PTPRD: variants seen among roughly 807,000 people sequenced by gnomAD.
PTPRD encodes protein tyrosine phosphatase receptor type D.
PTPRD carries 34 observed loss-of-function variants against 214.5 expected under a neutral mutation model. The observed-to-expected ratio is 0.16, with a 90% confidence interval of 0.12 to 0.21. PTPRD has a LOEUF of 0.21. PTPRD is among the 10% of genes least tolerant of loss of function. The pLI is 1.00. For synonymous variants in PTPRD, 1,128 were observed against 845.7 expected (o/e 1.33, Z -5.79); for missense variants, 2,545 against 2,398.7 (o/e 1.06, Z -1.27).
chr9:9,976,689 C>CAAAAAAA (rs869096131), intron 4 of PTPRD, among the ~76,000 whole-genome samples: 14,113 of 62,862 alleles, frequency 0.22, 1,627 homozygotes, highest in Middle Eastern at 0.26. Flanking sequence ...ACCCTGCCAC[C>CAAAAAAA]AAAAAAAAAA....
chr9:8,624,939 T>C (rs1301048043), intron 14 of PTPRD, among the ~76,000 whole-genome samples: 1 of 151,836 alleles, frequency 6.6e-6, no homozygotes, highest in Non-Finnish European at 1.5e-5. Context: ...AGACTCATTC[T>C]TACCCAAATG....
chr9:8,409,004 A>C (rs1350125545), intron 35 of PTPRD, among the ~76,000 whole-genome samples: 1 of 152,202 alleles, frequency 6.6e-6, no homozygotes, highest in Non-Finnish European at 1.5e-5. Context: ...ATCAACTAGA[A>C]GTTTATCTCA....
chr9:9,804,103 TG>T (rs1308675366), intron 5 of PTPRD, among the ~76,000 whole-genome samples: 11 of 152,156 alleles, frequency 7.2e-5, no homozygotes, highest in South Asian at 6.2e-4. Flanking sequence ...TGGCTGTTTT[TG>T]ATCAGCTTCT....
intron 3 of PTPRD, among the ~76,000 whole-genome samples, chr9:10,243,730 C>A (rs1281631167): frequency 6.6e-6 from 1 of 151,872 alleles, no homozygotes; most frequent in Non-Finnish European, 1.5e-5. Flanking sequence ...CTTGCTCCAA[C>A]CTCTAATTAC....
chr9:10,448,214 T>A (rs2098812913), intron 2 of PTPRD, among the ~76,000 whole-genome samples: 1 of 152,040 alleles, frequency 6.6e-6, no homozygotes, highest in Admixed American at 6.5e-5. Context: ...AACTTAAGGT[T>A]TTGATTCTTC....
chr9:8,644,482 G>T (rs1006474059), intron 12 of PTPRD, among the ~76,000 whole-genome samples: 2 of 152,180 alleles, frequency 1.3e-5, no homozygotes, highest in Non-Finnish European at 2.9e-5. Flanking sequence ...AACACAAACA[G>T]GGCTGAAACA....
chr9:8,557,360 T>G (rs1593666203), intron 14 of PTPRD, among the ~76,000 whole-genome samples: 1 of 151,060 alleles, frequency 6.6e-6, no homozygotes, highest in African/African-American at 2.5e-5. Flanking sequence ...GGAAGCAAAA[T>G]GATACCTATT....
At chr9:9,610,315 A>C (rs186759644) in intron 7 of PTPRD, among the ~76,000 whole-genome samples, 142 of 152,330 alleles carry the variant, frequency 9.3e-4, no homozygotes, top group African/African-American at 3.3e-3. Context: ...GATTTAGTTA[A>C]ATAACAAAAT....
At chr9:10,514,011 T>C (rs931826052) in intron 2 of PTPRD, among the ~76,000 whole-genome samples, 3 of 152,176 alleles carry the variant, frequency 2.0e-5, no homozygotes, top group African/African-American at 7.2e-5. Context: ...ACTGTTCCCT[T>C]ATGTGTAAGC....
chr9:8,406,652 A>C (rs2130745137), intron 35 of PTPRD, among the ~76,000 whole-genome samples: 1 of 152,354 alleles, frequency 6.6e-6, no homozygotes, highest in Non-Finnish European at 1.5e-5. Context: ...TTGATGAATA[A>C]ATGTTTTTGA....
At chr9:9,909,000 A>G (rs1030590151) in intron 5 of PTPRD, among the ~76,000 whole-genome samples, 2 of 152,014 alleles carry the variant, frequency 1.3e-5, no homozygotes, top group Non-Finnish European at 2.9e-5. Flanking sequence ...ATGATCATAT[A>G]TTAACATCAT....
chr9:9,349,472 G>A (rs1224850091), intron 9 of PTPRD, among the ~76,000 whole-genome samples: 1 of 152,004 alleles, frequency 6.6e-6, no homozygotes, highest in East Asian at 1.9e-4. Flanking sequence ...CACAGGTAAA[G>A]TGATATAGAA....
chr9:9,216,790 T>C (rs2099952567), intron 9 of PTPRD, among the ~76,000 whole-genome samples: 2 of 152,098 alleles, frequency 1.3e-5, no homozygotes, highest in African/African-American at 2.4e-5. Flanking sequence ...ATTATAGACA[T>C]TGATATAACA....
At chr9:10,140,112 G>A (rs1190222355) in intron 3 of PTPRD, among the ~76,000 whole-genome samples, 1 of 151,990 alleles carries the variant, frequency 6.6e-6, no homozygotes, top group African/African-American at 2.4e-5. Context: ...GACAATCTGT[G>A]CTCAGACAAT....
intron 3 of PTPRD, among the ~76,000 whole-genome samples, chr9:10,315,479 G>C (rs2096397013): frequency 6.6e-6 from 1 of 151,856 alleles, no homozygotes; most frequent in South Asian, 2.1e-4. Flanking sequence ...TAAACAATTA[G>C]ATTATTAATT....
chr9:10,058,305 C>T (rs395795), intron 3 of PTPRD, among the ~76,000 whole-genome samples: 21,506 of 151,986 alleles, frequency 0.14, 3,441 homozygotes, highest in African/African-American at 0.39. Flanking sequence ...GACACTGCAA[C>T]CCATATGTTA....
intron 2 of PTPRD, among the ~76,000 whole-genome samples, chr9:10,504,815 AC>A (rs758803237): frequency 8.5e-5 from 13 of 152,064 alleles, no homozygotes; most frequent in Non-Finnish European, 1.8e-4. Context: ...TTACCTGACT[AC>A]CCCACATGCC....
chr9:10,454,421 A>T (rs188437137), intron 2 of PTPRD, among the ~76,000 whole-genome samples: 61 of 151,650 alleles, frequency 4.0e-4, no homozygotes, highest in Non-Finnish European at 6.5e-4. Context: ...TACTTTTTTT[A>T]AAAAACTGAA....
intron 14 of PTPRD, among the ~76,000 whole-genome samples, chr9:8,531,567 T>C (rs1311807435): frequency 1.3e-5 from 2 of 152,130 alleles, no homozygotes; most frequent in South Asian, 2.1e-4. Context: ...TTGTTGTTGT[T>C]ATGTTCCATT....
Sources: gnomAD v4.1 joint callset for allele counts (sites outside exome capture counted in the v4.1 genomes callset) on GRCh38, gnomAD v4.1.1 for gene constraint, MANE v1.5 for transcripts, NCBI Gene and HGNC (gene_info 2026-07-23, HGNC 2026-07-21) for gene names.